Variants in NRF1 observed in about 807,000 individuals in gnomAD.
NRF1 encodes alpha palindromic-binding protein.
Under a neutral mutation model 58.5 loss-of-function variants are expected in NRF1, and 5 were observed. The observed-to-expected ratio is 0.09, with a 90% confidence interval of 0.04 to 0.18. The LOEUF (loss-of-function observed/expected upper bound fraction) is 0.18, where lower values mean the gene tolerates loss of function less well. Ranked by LOEUF, NRF1 falls within the 10% of genes least tolerant of loss-of-function variation. NRF1 has a pLI of 1.00. For missense variants in NRF1, 288 were observed against 657.7 expected (o/e 0.44, Z 6.15); for synonymous variants, 224 against 246.7 (o/e 0.91, Z 0.86).
At chr7:129,689,831 G>A (rs1402739486) in intron 4 of NRF1, among the ~76,000 whole-genome samples, 1 of 152,212 alleles carries the variant, frequency 6.6e-6, no homozygotes, top group South Asian at 2.1e-4. Context: ...GGCCTTACCA[G>A]TAGTGGCACT....
At chr7:129,743,514 A>G (rs1271664266) in intron 10 of NRF1, among the ~76,000 whole-genome samples, 2 of 152,224 alleles carry the variant, frequency 1.3e-5, no homozygotes, top group East Asian at 3.8e-4. Flanking sequence ...TCTAGTAGCT[A>G]CTACACAGTT....
intron 10 of NRF1, chr7:129,744,361 G>T (rs1187669140): frequency 6.2e-6 from 4 of 646,128 alleles, no homozygotes; most frequent in Middle Eastern, 7.7e-4. Flanking sequence ...TCGGTCACCT[G>T]ATAGTTTTAG....
chr7:129,710,733 AT>A, intron 7 of NRF1, among the ~76,000 whole-genome samples, 162 bp downstream of exon 7: 1 of 152,128 alleles, frequency 6.6e-6, no homozygotes, highest in African/African-American at 2.4e-5. Flanking sequence ...AATAGTTTAA[AT>A]TCTTTGCATT....
chr7:129,704,764 G>A (rs1802911364), intron 5 of NRF1, among the ~76,000 whole-genome samples: 1 of 152,134 alleles, frequency 6.6e-6, no homozygotes, highest in Non-Finnish European at 1.5e-5. Flanking sequence ...AGTTTTGACA[G>A]CGACTTGAGG....
intron 1 of NRF1, among the ~76,000 whole-genome samples, chr7:129,625,899 G>A (rs903502123): frequency 6.6e-6 from 1 of 152,026 alleles, no homozygotes; most frequent in Admixed American, 6.5e-5. Context: ...AGCCAGGATG[G>A]TCTTGATTTT....
At chr7:129,657,189 G>A (rs1211405345) in intron 1 of NRF1, among the ~76,000 whole-genome samples, 157 bp from the exon 2 acceptor site, 1 of 152,142 alleles carries the variant, frequency 6.6e-6, no homozygotes, top group Non-Finnish European at 1.5e-5. Flanking sequence ...CATTTGCATG[G>A]TGCTTCCCAT....
intron 5 of NRF1, among the ~76,000 whole-genome samples, chr7:129,696,731 C>CT (rs1802707212): frequency 6.6e-6 from 1 of 152,146 alleles, no homozygotes; most frequent in African/African-American, 2.4e-5. Context: ...ACTTAGAAAT[C>CT]TATATAGGAT....
intron 4 of NRF1, among the ~76,000 whole-genome samples, chr7:129,680,635 A>G (rs1012765622): frequency 1.3e-5 from 2 of 152,242 alleles, no homozygotes; most frequent in Non-Finnish European, 2.9e-5. Context: ...AAGTACTGAT[A>G]TTATACTACA....
At chr7:129,729,420 C>T (rs1471897033) in intron 10 of NRF1, among the ~76,000 whole-genome samples, 1 of 152,254 alleles carries the variant, frequency 6.6e-6, no homozygotes, top group African/African-American at 2.4e-5. Flanking sequence ...TTCTGGTTCG[C>T]ATCCTAAAAG....
chr7:129,638,760 G>T (rs1342683963), intron 1 of NRF1, among the ~76,000 whole-genome samples: 4 of 152,060 alleles, frequency 2.6e-5, no homozygotes, highest in African/African-American at 9.7e-5. Context: ...AGGAACTTAG[G>T]TAGCATTTCT....
intron 5 of NRF1, among the ~76,000 whole-genome samples, chr7:129,706,956 G>T (rs1221527386): frequency 6.6e-6 from 1 of 152,072 alleles, no homozygotes; most frequent in Admixed American, 6.6e-5. Context: ...TTAAGACAGG[G>T]TCTTGCTCTG....
chr7:129,741,557 T>C lies in NRF1; in HGVS notation c.1349-13461T>C, dbSNP rs958133803. On this transcript the variant is annotated intron_variant, in intron 10 of 10. Transcript: ENST00000393232. The surrounding 1 kb of genome is among the most constrained non-coding windows in gnomAD (Gnocchi z 4.0). The stretch of plus-strand genomic sequence containing the variant: ...ATTGGAGTCATTTCTATTCAATACA[T>C]GGATGGCAAAGTGGGTTTTAATTGA... Among the ~76,000 whole-genome samples the C allele has an allele frequency of 7.2e-5, 11 of 152,190 alleles. No individual in the cohort carries two copies. Among genetic ancestry groups the C allele is most frequent in the African/African-American group, 2.4e-4 (10 of 41,448 alleles).
rs66514909 is a variant in NRF1, at chr7:129,696,088, A to AACC, written c.606+5544_606+5546dup. Among the ~76,000 whole-genome samples, 13 of 136,060 alleles carry AACC rather than the reference A, an allele frequency of 9.6e-5. 1 individual carries two copies. Among genetic ancestry groups the AACC allele is most frequent in the South Asian group, 7.3e-4 (3 of 4,124 alleles). 89.3% of individuals were successfully genotyped at this position (136,060 alleles called of 152,430 possible). ...AAAAAAAAAAAAAAAAAAAAAAAAC[A>AACC]ACCAAATTAGCCGGGCTTAGTGGTA... On this transcript the variant is annotated intron_variant, in intron 5 of 10. Coordinates refer to ENST00000393232, the MANE Select transcript of NRF1 (RefSeq NM_005011.5).
chr7:129,661,494 TG>T lies in NRF1; in HGVS notation c.223+3921del, dbSNP rs1450710119. Among the ~76,000 whole-genome samples the T allele has an allele frequency of 4.0e-5, 6 of 151,158 alleles. No individual in the cohort carries two copies. The East Asian group carries it at 9.6e-4, about 24-fold the overall frequency. On this transcript the variant is annotated intron_variant, in intron 2 of 10. Coordinates refer to ENST00000393232, the MANE Select transcript of NRF1 (RefSeq NM_005011.5). ...TGCTTTGCTGCTTAGAAATTTCTTC[TG>T]CCAGATACCCTAAATCATCTCTCTC... is the stretch of plus-strand genomic sequence containing the variant.
intron 9 of NRF1, among the ~76,000 whole-genome samples, chr7:129,720,229 G>T (rs1190370686): frequency 2.0e-5 from 3 of 152,194 alleles, no homozygotes; most frequent in Non-Finnish European, 4.4e-5. Context: ...AAGAAACCAA[G>T]CCTGGCAGCA....
intron 1 of NRF1, among the ~76,000 whole-genome samples, chr7:129,625,873 G>A (rs1226221751): frequency 6.6e-6 from 1 of 151,964 alleles, no homozygotes; most frequent in East Asian, 1.9e-4. Flanking sequence ...TAGTAGAGAT[G>A]GGGTTTCACC....
intron 9 of NRF1, among the ~76,000 whole-genome samples, chr7:129,723,105 T>A (rs1803366678): frequency 1.3e-5 from 2 of 152,222 alleles, no homozygotes; most frequent in South Asian, 4.1e-4. Flanking sequence ...GCTGGTCATA[T>A]ATTTATGTAT....
chr7:129,728,347 T>C (rs1488202330), intron 10 of NRF1, among the ~76,000 whole-genome samples: 2 of 151,984 alleles, frequency 1.3e-5, no homozygotes, highest in East Asian at 3.9e-4. Flanking sequence ...GGCAAAACCC[T>C]GTCCATGGTG....
At chr7:129,627,211 T>A (rs1800938608) in intron 1 of NRF1, among the ~76,000 whole-genome samples, 2 of 152,136 alleles carry the variant, frequency 1.3e-5, no homozygotes, top group Non-Finnish European at 2.9e-5. Context: ...AGTGCTTTTG[T>A]TAATTAATTA....
Sources: gnomAD v4.1 joint callset for allele counts (sites outside exome capture counted in the v4.1 genomes callset) on GRCh38, gnomAD v4.1.1 for gene constraint, Gnocchi (gnomAD v3.1) non-coding constraint, MANE v1.5 for transcripts, NCBI Gene and HGNC (gene_info 2026-07-23, HGNC 2026-07-21) for gene names.